Variants in ST6GALNAC3 observed in about 807,000 individuals in gnomAD.
ST6GALNAC3 encodes the protein alpha-N-acetylgalactosaminide alpha-2,6-sialyltransferase 3.
A neutral mutation model predicts 32.7 loss-of-function variants in ST6GALNAC3; 25 were observed. The ratio of observed to expected loss-of-function variants is 0.76; its 90% CI spans 0.56 to 1.07. The LOEUF is 1.07. Among genes scored for constraint, ST6GALNAC3 ranks in the 50% least tolerant of loss-of-function variants. The probability of loss-of-function intolerance (pLI) is 0.00; values close to 1 mark genes in which losing one functional copy is unlikely to be tolerated. For synonymous variants in ST6GALNAC3, 129 were observed against 133.1 expected, an observed-to-expected ratio of 0.97 and a Z score of 0.21; for missense variants, 355 against 382.4, an observed-to-expected ratio of 0.93 and a Z score of 0.60.
At chr1:76,618,568 C>G (rs1366850492) in intron 3 of ST6GALNAC3, among the ~76,000 whole-genome samples, 2 of 152,108 alleles carry the variant, frequency 1.3e-5, no homozygotes, top group African/African-American at 4.8e-5. Flanking sequence ...AATCCTGAAA[C>G]TGAATGATTT....
chr1:76,469,141 A>G (rs1658851559), intron 3 of ST6GALNAC3, among the ~76,000 whole-genome samples: 1 of 152,142 alleles, frequency 6.6e-6, no homozygotes, highest in East Asian at 1.9e-4. Context: ...GTAATGGCTT[A>G]GCCTAGGAGT....
At chr1:76,225,308 T>C (rs749742311) in intron 1 of ST6GALNAC3, among the ~76,000 whole-genome samples, 7 of 152,174 alleles carry the variant, frequency 4.6e-5, no homozygotes, top group Non-Finnish European at 1.0e-4. Context: ...GATGCAGAAA[T>C]TTCATAATTG....
At chr1:76,297,362 C>T (rs1023835520) in intron 1 of ST6GALNAC3, among the ~76,000 whole-genome samples, 2 of 151,968 alleles carry the variant, frequency 1.3e-5, no homozygotes, top group African/African-American at 4.8e-5. Flanking sequence ...TCTTGCACAT[C>T]TAATATGTGC....
At chr1:76,523,499 G>A (rs988712831) in intron 3 of ST6GALNAC3, among the ~76,000 whole-genome samples, 2 of 152,140 alleles carry the variant, frequency 1.3e-5, no homozygotes, top group Admixed American at 6.5e-5. Flanking sequence ...CTTCTGCCAG[G>A]CAGATAGAGA....
chr1:76,579,048 A>G (rs1646853501), intron 3 of ST6GALNAC3, among the ~76,000 whole-genome samples: 1 of 152,048 alleles, frequency 6.6e-6, no homozygotes, highest in African/African-American at 2.4e-5. Flanking sequence ...TGGATCTGAG[A>G]AAACCAGACT....
At chr1:76,363,776 C>G (rs1322386337) in intron 2 of ST6GALNAC3, among the ~76,000 whole-genome samples, 1 of 151,864 alleles carries the variant, frequency 6.6e-6, no homozygotes, top group Non-Finnish European at 1.5e-5. Context: ...TGGCGGAAAG[C>G]AAAAAGGGGG....
At chr1:76,394,890 A>G (rs1292441515) in intron 2 of ST6GALNAC3, among the ~76,000 whole-genome samples, 1 of 152,212 alleles carries the variant, frequency 6.6e-6, no homozygotes, top group Non-Finnish European at 1.5e-5. Context: ...TCCAAGGCTC[A>G]GAATTTTGCT....
At chr1:76,221,555 A>C (rs1008763398) in intron 1 of ST6GALNAC3, among the ~76,000 whole-genome samples, 3 of 152,076 alleles carry the variant, frequency 2.0e-5, no homozygotes, top group African/African-American at 7.2e-5. Flanking sequence ...GCTCCCTGAG[A>C]ATGTATCATT....
chr1:76,278,782 G>C (rs1659330503), intron 1 of ST6GALNAC3, among the ~76,000 whole-genome samples: 1 of 152,154 alleles, frequency 6.6e-6, no homozygotes, highest in Admixed American at 6.5e-5. Context: ...CATGACAAGG[G>C]AAACCAAGGT....
At chr1:76,200,694 T>C (rs1654466980) in intron 1 of ST6GALNAC3, among the ~76,000 whole-genome samples, 1 of 152,108 alleles carries the variant, frequency 6.6e-6, no homozygotes, top group Non-Finnish European at 1.5e-5. Flanking sequence ...ATAATAAATA[T>C]AGGACATGTA....
intron 1 of ST6GALNAC3, chr1:76,308,034 G>T: frequency 2.8e-6 from 1 of 353,184 alleles, no homozygotes; most frequent in Non-Finnish European, 5.9e-6. Context: ...CTTCAGACTT[G>T]CCCAAAATGA....
intron 1 of ST6GALNAC3, among the ~76,000 whole-genome samples, chr1:76,160,592 G>A (rs532345752): frequency 1.6e-4 from 25 of 152,272 alleles, no homozygotes; most frequent in Middle Eastern, 3.4e-3. Context: ...ACTCTCTAAC[G>A]GTGTTCTACA....
At chr1:76,324,366 G>A (rs186245015) in intron 2 of ST6GALNAC3, among the ~76,000 whole-genome samples, 22 of 152,244 alleles carry the variant, frequency 1.4e-4, no homozygotes. Context: ...TAACTGTGGT[G>A]GAAAGGCTGA....
chr1:76,325,710 GTA>G (rs1647054862), intron 2 of ST6GALNAC3, among the ~76,000 whole-genome samples: 1 of 149,526 alleles, frequency 6.7e-6, no homozygotes, highest in Admixed American at 6.6e-5. Flanking sequence ...TGACAATCTA[GTA>G]CTTGTCACAA....
At chr1:76,183,235 T>C (rs1435193742) in intron 1 of ST6GALNAC3, among the ~76,000 whole-genome samples, 1 of 152,160 alleles carries the variant, frequency 6.6e-6, no homozygotes, top group African/African-American at 2.4e-5. Context: ...TTTGTACAAA[T>C]TTTTTTCAGC....
At chr1:76,363,439 C>G (rs1344668330) in intron 2 of ST6GALNAC3, among the ~76,000 whole-genome samples, 1 of 152,204 alleles carries the variant, frequency 6.6e-6, no homozygotes, top group African/African-American at 2.4e-5. Context: ...ACTATCAGCA[C>G]TTTTGTTGAA....
chr1:76,475,869 G>A lies in ST6GALNAC3; in HGVS notation c.623+63452G>A, dbSNP rs1410363959. ...TCCCTTAGCCCCCAGCCCCCGACAG[G>A]CCCCGCTGTGTGATGTTCCCCTCAC... On this transcript the variant is annotated intron_variant, in intron 3 of 4. Coordinates refer to ENST00000328299, the MANE Select transcript of ST6GALNAC3 (RefSeq NM_152996.4). 5.3e-5 allele frequency among the ~76,000 whole-genome samples: 8 copies of A among 152,072 alleles called. No individual in the cohort carries two copies. The East Asian group carries it at 1.4e-3, about 26-fold the overall frequency.
intron 3 of ST6GALNAC3, among the ~76,000 whole-genome samples, chr1:76,602,411 A>G (rs1037121229): frequency 2.0e-5 from 3 of 152,004 alleles, no homozygotes; most frequent in African/African-American, 7.2e-5. Flanking sequence ...GTTTAAGTGG[A>G]TCAGTCTAAG....
chr1:76,545,717 C>T (rs928596955), intron 3 of ST6GALNAC3, among the ~76,000 whole-genome samples: 16 of 150,546 alleles, frequency 1.1e-4, no homozygotes, highest in Admixed American at 3.3e-4. Context: ...AGTGCAATGG[C>T]GCACTCTCAG....
Sources: allele counts gnomAD v4.1 joint callset (sites outside exome capture counted in the v4.1 genomes callset), GRCh38; gene constraint gnomAD v4.1.1; transcripts MANE v1.5; gene names NCBI Gene and HGNC (gene_info 2026-07-23, HGNC 2026-07-21).